Variants in VSTM2L observed in about 807,000 individuals in gnomAD.
VSTM2L encodes the protein V-set and transmembrane domain-containing protein 2-like protein.
VSTM2L carries 9 observed loss-of-function variants against 19.9 expected under a neutral mutation model. The ratio of observed to expected loss-of-function variants is 0.45; its 90% CI spans 0.27 to 0.79. The LOEUF is 0.79. Among genes scored for constraint, VSTM2L ranks in the 30% least tolerant of loss-of-function variants. VSTM2L has a pLI of 0.15. For missense variants in VSTM2L, 286 were observed against 295.5 expected, an observed-to-expected ratio of 0.97 and a Z score of 0.24; for synonymous variants, 127 against 133.8, an observed-to-expected ratio of 0.95 and a Z score of 0.35.
At chr20:37,941,599 G>A (rs1222284768) in intron 3 of VSTM2L, among the ~76,000 whole-genome samples, 2 of 152,194 alleles carry the variant, frequency 1.3e-5, no homozygotes, top group Admixed American at 6.5e-5. Flanking sequence ...CATCCCACCT[G>A]GAGCCAGAAG....
chr20:37,934,961 C>T (rs1353986975), intron 3 of VSTM2L, among the ~76,000 whole-genome samples: 2 of 152,170 alleles, frequency 1.3e-5, no homozygotes, highest in African/African-American at 2.4e-5. Context: ...GCATCCATAT[C>T]GAACACCCCG....
chr20:37,934,146 G>A (rs1319506726), intron 3 of VSTM2L, among the ~76,000 whole-genome samples: 1 of 152,248 alleles, frequency 6.6e-6, no homozygotes, highest in African/African-American at 2.4e-5. Context: ...CTTGCCAGAG[G>A]TCACGCCAAG....
At chr20:37,936,668 CGTGAGGACACAG>C (rs752240338) in intron 3 of VSTM2L, among the ~76,000 whole-genome samples, 40 of 152,132 alleles carry the variant, frequency 2.6e-4, no homozygotes, top group Admixed American at 2.4e-3. Context: ...AGGCGGGGAC[CGTGAGGACACAG>C]TGGGGCCAGC....
intron 3 of VSTM2L, among the ~76,000 whole-genome samples, chr20:37,942,225 T>C (rs2072976444): frequency 6.6e-6 from 1 of 152,236 alleles, no homozygotes; most frequent in Non-Finnish European, 1.5e-5. Context: ...CTTACACCTA[T>C]AATCCTGGCA....
At position 37,931,770 on chromosome 20, in the gene VSTM2L, A is replaced by C. The variant is rs1461904194; in HGVS notation, c.257A>C (p.Asp86Ala). 1 of 1,613,916 alleles carries C rather than the reference A, an allele frequency of 6.2e-7. No individual in the cohort carries two copies. The highest frequency in any genetic ancestry group is 1.7e-5 in the Admixed American group (1 of 60,020). The change falls in exon 2 of 4, where the codon GAC (aspartate) becomes GCC (alanine). Residue 86 changes from aspartate (D) to alanine (A), a missense_variant. Asp to Ala is a moderately radical substitution (Grantham distance 126). Transcript: ENST00000373461. ...TGGTGGTATGTACGGAGCCACCGGG[A>C]CTGGACCGACAAGCAGGCGTGGGCC... The part of the protein sequence containing the change: ...IQWWYVRSHR[D>A]WTDKQAWASN...
chr20:37,903,547 C>T, intron 1 of VSTM2L, 76 bp downstream of exon 1: 1 of 1,332,010 alleles, frequency 7.5e-7, no homozygotes, highest in Non-Finnish European at 9.6e-7. Context: ...CTTGGCCGCC[C>T]CGGGGCTCGA....
chr20:37,936,373 G>A (rs1273044747), intron 3 of VSTM2L, among the ~76,000 whole-genome samples: 1 of 152,194 alleles, frequency 6.6e-6, no homozygotes, highest in Non-Finnish European at 1.5e-5. Flanking sequence ...TTAGTGGAAT[G>A]TCTCCTGAGT....
At chr20:37,937,470 G>A (rs1422457043) in intron 3 of VSTM2L, among the ~76,000 whole-genome samples, 1 of 152,134 alleles carries the variant, frequency 6.6e-6, no homozygotes, top group African/African-American at 2.4e-5. Flanking sequence ...AGTTCTGGAA[G>A]TTTTTCTTTC....
At chr20:37,930,052 G>A (rs2072899942) in intron 1 of VSTM2L, among the ~76,000 whole-genome samples, 1 of 152,176 alleles carries the variant, frequency 6.6e-6, no homozygotes, top group Admixed American at 6.5e-5. Context: ...TTACAGAACA[G>A]CGGCTGGGAC....
At chr20:37,914,388 G>GTATGT (rs1568835300) in intron 1 of VSTM2L, among the ~76,000 whole-genome samples, 1 of 149,188 alleles carries the variant, frequency 6.7e-6, no homozygotes, top group Admixed American at 6.6e-5. Context: ...GTGTATGTGT[G>GTATGT]GGTGTGTGTA....
chr20:37,914,515 G>C (rs1326239603), intron 1 of VSTM2L, among the ~76,000 whole-genome samples: 1 of 151,294 alleles, frequency 6.6e-6, no homozygotes, highest in Non-Finnish European at 1.5e-5. Context: ...TGTGTTGTGT[G>C]TGTGTGTACA....
At chr20:37,925,352 C>G (rs1258509383) in intron 1 of VSTM2L, among the ~76,000 whole-genome samples, 1 of 152,144 alleles carries the variant, frequency 6.6e-6, no homozygotes, top group East Asian at 1.9e-4. Context: ...CTCTCAGGAC[C>G]ATCAGGACTA....
At chr20:37,931,007 G>A (rs142159918) in intron 1 of VSTM2L, among the ~76,000 whole-genome samples, 1 of 152,258 alleles carries the variant, frequency 6.6e-6, no homozygotes, top group East Asian at 1.9e-4. Flanking sequence ...GGAGCCAGCC[G>A]GGCAAAGAGG....
At position 37,944,670 on chromosome 20, in the gene VSTM2L, G is replaced by A. The variant is rs2072998208; in HGVS notation, c.*417G>A. Reference sequence around the variant, plus strand: ...CCTACCATCCCTCACTTGGACCTGGGGGTGTGGACAGTGACCCCTCCCTGA... The same window carrying A: ...CCTACCATCCCTCACTTGGACCTGGAGGTGTGGACAGTGACCCCTCCCTGA... On this transcript the variant is annotated 3_prime_UTR_variant, in exon 4 of 4. Transcript: ENST00000373461. 2.0e-6 allele frequency: 2 copies of A among 1,003,506 alleles called. No homozygotes were observed. The highest frequency in any genetic ancestry group is 1.0e-3 in the Middle Eastern group (2 of 2,010). 62.2% of individuals were successfully genotyped at this position (1,003,506 alleles called of 1,614,324 possible).
chr20:37,923,131 A>T (rs2072861625), intron 1 of VSTM2L, among the ~76,000 whole-genome samples: 1 of 152,160 alleles, frequency 6.6e-6, no homozygotes, highest in Non-Finnish European at 1.5e-5. Context: ...AAAGGAACCG[A>T]GGCTCTGAGA....
At chr20:37,919,928 C>G (rs978016699) in intron 1 of VSTM2L, among the ~76,000 whole-genome samples, 3 of 152,160 alleles carry the variant, frequency 2.0e-5, no homozygotes, top group African/African-American at 7.2e-5. Flanking sequence ...CTCATCAAGT[C>G]TGAGAGGATG....
chr20:37,927,925 C>A (rs1328686894), intron 1 of VSTM2L, among the ~76,000 whole-genome samples: 2 of 152,232 alleles, frequency 1.3e-5, no homozygotes, highest in South Asian at 2.1e-4. Flanking sequence ...CTGAGTCACA[C>A]TGGCTGGGTC....
intron 1 of VSTM2L, among the ~76,000 whole-genome samples, chr20:37,906,180 C>G (rs988139830): frequency 2.0e-5 from 3 of 152,134 alleles, no homozygotes; most frequent in African/African-American, 7.2e-5. Flanking sequence ...TTCCACCTGC[C>G]TGCCCTGGAG....
intron 1 of VSTM2L, among the ~76,000 whole-genome samples, chr20:37,918,404 T>C (rs1284903526): frequency 6.6e-6 from 1 of 152,206 alleles, no homozygotes; most frequent in Admixed American, 6.5e-5. Context: ...ACACCTAACC[T>C]TCGCCAGTCT....
Sources: allele counts gnomAD v4.1 joint callset (sites outside exome capture counted in the v4.1 genomes callset), GRCh38; gene constraint gnomAD v4.1.1; transcripts MANE v1.5; gene names NCBI Gene and HGNC (gene_info 2026-07-23, HGNC 2026-07-21).